The following FSTL5 variants were observed in gnomAD, a reference collection of about 807,000 sequenced individuals.
The protein encoded by FSTL5 is follistatin-related protein 5.
Under a neutral mutation model 89.1 loss-of-function variants are expected in FSTL5, and 62 were observed. The observed-to-expected ratio is 0.70, with a 90% CI of 0.57 to 0.86. FSTL5 has a LOEUF of 0.86. Among genes scored for constraint, FSTL5 ranks in the 40% least tolerant of loss-of-function variants. FSTL5 has a pLI of 0.00. For synonymous variants in FSTL5, 383 were observed against 346.2 expected (o/e 1.11, Z -1.18); for missense variants, 1,057 against 1,001.6 (o/e 1.06, Z -0.75).
chr4:161,543,183 G>A (rs1032561124), intron 8 of FSTL5, among the ~76,000 whole-genome samples: 3 of 151,732 alleles, frequency 2.0e-5, no homozygotes, highest in African/African-American at 7.3e-5. Context: ...GTTTACAATA[G>A]TATCAAAAAA....
At chr4:162,146,513 C>A (rs1293178630) in intron 1 of FSTL5, among the ~76,000 whole-genome samples, 1 of 152,028 alleles carries the variant, frequency 6.6e-6, no homozygotes, top group Non-Finnish European at 1.5e-5. Context: ...TACTATATAT[C>A]AGTTATCATA....
At chr4:161,962,036 CATA>C (rs1735194255) in intron 3 of FSTL5, among the ~76,000 whole-genome samples, 1 of 151,710 alleles carries the variant, frequency 6.6e-6, no homozygotes, top group Non-Finnish European at 1.5e-5. Flanking sequence ...ATTAATATCA[CATA>C]ATGTTGTATA....
At chr4:161,417,714 T>C (rs551724594) in intron 15 of FSTL5, among the ~76,000 whole-genome samples, 8 of 152,236 alleles carry the variant, frequency 5.3e-5, no homozygotes, top group African/African-American at 1.9e-4. Flanking sequence ...CTCATGGGGG[T>C]CTTGTGCAAA....
chr4:161,632,583 T>C (rs1209619182), intron 7 of FSTL5, among the ~76,000 whole-genome samples: 1 of 152,248 alleles, frequency 6.6e-6, no homozygotes, highest in African/African-American at 2.4e-5. Flanking sequence ...ATTATTCTTC[T>C]ACAATTATAA....
intron 3 of FSTL5, among the ~76,000 whole-genome samples, chr4:161,944,193 T>C (rs1734673256): frequency 6.6e-6 from 1 of 152,186 alleles, no homozygotes; most frequent in Non-Finnish European, 1.5e-5. Flanking sequence ...AAGTTGCTTG[T>C]TGATAACAAC....
chr4:162,042,322 T>A (rs907700872), intron 2 of FSTL5, among the ~76,000 whole-genome samples: 1 of 152,190 alleles, frequency 6.6e-6, no homozygotes. Context: ...CAAGATCATG[T>A]ATGTTCAAAT....
At chr4:162,048,598 TACACACAC>T (rs34979000) in intron 2 of FSTL5, among the ~76,000 whole-genome samples, 20 of 149,528 alleles carry the variant, frequency 1.3e-4, no homozygotes, top group African/African-American at 1.7e-4. Flanking sequence ...ATTATACACA[TACACACAC>T]ACACACACAC....
chr4:161,752,219 AGATG>A lies in FSTL5; in HGVS notation c.727+7188_727+7191del, dbSNP rs199797012. On this transcript the variant is annotated intron_variant, in intron 6 of 15. Transcript: ENST00000306100. ...TAGATGTTAAATATAGACAGATGAT[AGATG>A]GACAGATAGATAGATAGATAGATAG... Among the ~76,000 whole-genome samples, 1,022 of 141,704 alleles carry A rather than the reference AGATG, an allele frequency of 7.2e-3. 17 individuals are homozygous for A. Among genetic ancestry groups the A allele is most frequent in the African/African-American group, 0.026 (934 of 36,602 alleles). 93.0% of individuals were successfully genotyped at this position (141,704 alleles called of 152,430 possible).
At chr4:161,560,775 G>T (rs1198070447) in intron 8 of FSTL5, among the ~76,000 whole-genome samples, 1 of 151,840 alleles carries the variant, frequency 6.6e-6, no homozygotes, top group East Asian at 1.9e-4. Flanking sequence ...ACATGGAGTT[G>T]TCATCTCCTG....
chr4:161,518,301 G>A (rs553229858), intron 10 of FSTL5, among the ~76,000 whole-genome samples: 1 of 152,194 alleles, frequency 6.6e-6, no homozygotes, highest in East Asian at 1.9e-4. Flanking sequence ...TCTTTTGGGA[G>A]GTAACTGGAA....
intron 3 of FSTL5, among the ~76,000 whole-genome samples, chr4:161,936,482 A>G (rs1203018821): frequency 6.6e-6 from 1 of 152,192 alleles, no homozygotes. Flanking sequence ...TCTTGTAAGA[A>G]TATAGATAGG....
chr4:162,134,169 C>A lies in FSTL5; in HGVS notation c.-16-22757G>T, dbSNP rs182781395. On this transcript the variant is annotated intron_variant, in intron 1 of 15. Coordinates refer to ENST00000306100, the MANE Select transcript of FSTL5 (RefSeq NM_020116.5). Reference sequence around the variant, plus strand: ...ACTATATCCAGTTTATTTTCTTTCACCTCCATCTCTGGGCTATTGCATTGT... The same window carrying A: ...ACTATATCCAGTTTATTTTCTTTCAACTCCATCTCTGGGCTATTGCATTGT... Among the ~76,000 whole-genome samples, 51 of 152,272 alleles carry A rather than the reference C, an allele frequency of 3.3e-4. 1 individual carries two copies. Among genetic ancestry groups the A allele is most frequent in the Admixed American group, 1.2e-3 (18 of 15,280 alleles).
intron 6 of FSTL5, among the ~76,000 whole-genome samples, chr4:161,718,279 G>T (rs983388796): frequency 2.0e-5 from 3 of 152,098 alleles, no homozygotes; most frequent in African/African-American, 4.8e-5. Flanking sequence ...AGTAAGTAAA[G>T]AATTAATTTT....
intron 3 of FSTL5, among the ~76,000 whole-genome samples, chr4:161,950,204 G>T (rs1370699361): frequency 1.3e-5 from 2 of 152,014 alleles, no homozygotes; most frequent in Non-Finnish European, 2.9e-5. Flanking sequence ...TAGTACTAAG[G>T]TTACTCAAAG....
intron 4 of FSTL5, among the ~76,000 whole-genome samples, chr4:161,776,914 A>G (rs373028033): frequency 6.6e-6 from 1 of 152,048 alleles, no homozygotes; most frequent in Non-Finnish European, 1.5e-5. Context: ...AATATACAAT[A>G]AATTATCGTT....
intron 4 of FSTL5, among the ~76,000 whole-genome samples, chr4:161,871,405 G>A (rs988646383): frequency 1.3e-5 from 2 of 152,024 alleles, no homozygotes; most frequent in African/African-American, 4.8e-5. Context: ...GGAAATTTCA[G>A]TATTTCACAT....
chr4:161,655,198 A>G (rs1025757768), intron 7 of FSTL5, among the ~76,000 whole-genome samples: 39 of 152,152 alleles, frequency 2.6e-4, no homozygotes, highest in African/African-American at 9.2e-4. Flanking sequence ...ATTGATAATT[A>G]TAGATATTCT....
intron 8 of FSTL5, among the ~76,000 whole-genome samples, chr4:161,575,721 G>C (rs2126592291): frequency 6.6e-6 from 1 of 152,168 alleles, no homozygotes; most frequent in African/African-American, 2.4e-5. Flanking sequence ...TGAAGTGCTG[G>C]GATTACAAGG....
chr4:162,148,688 T>TA, intron 1 of FSTL5, among the ~76,000 whole-genome samples: 1 of 152,214 alleles, frequency 6.6e-6, no homozygotes, highest in East Asian at 1.9e-4. Flanking sequence ...GTGTTAATCT[T>TA]ACACATGTAA....
Sources: allele counts gnomAD v4.1 joint callset (sites outside exome capture counted in the v4.1 genomes callset), GRCh38; gene constraint gnomAD v4.1.1; transcripts MANE v1.5; gene names NCBI Gene and HGNC (gene_info 2026-07-23, HGNC 2026-07-21).